Variants in TBC1D2B observed in about 807,000 individuals in gnomAD.
The protein encoded by TBC1D2B is TBC1 domain family member 2B.
A neutral mutation model predicts 100.8 loss-of-function variants in TBC1D2B; 64 were observed. That is an observed-to-expected ratio of 0.64 (90% CI 0.52 to 0.78). The LOEUF is 0.78. Ranked by LOEUF, TBC1D2B falls within the 30% of genes least tolerant of loss-of-function variation. The pLI is 0.00. For missense variants in TBC1D2B, 1,052 were observed against 1,218.4 expected, an observed-to-expected ratio of 0.86 and a Z score of 2.03; for synonymous variants, 480 against 479.7, an observed-to-expected ratio of 1.00 and a Z score of -0.01.
At chr15:78,052,425 A>T (rs2073332788) in intron 2 of TBC1D2B, among the ~76,000 whole-genome samples, 2 of 152,104 alleles carry the variant, frequency 1.3e-5, no homozygotes, top group African/African-American at 4.8e-5. Context: ...TTGAGTGCCG[A>T]CTTTGCTGAA....
chr15:78,046,000 C>T (rs1281676529), intron 2 of TBC1D2B, among the ~76,000 whole-genome samples: 3 of 152,034 alleles, frequency 2.0e-5, no homozygotes, highest in Admixed American at 6.6e-5. Flanking sequence ...GGCGCGGTCT[C>T]GGCTCACTGC....
At chr15:78,074,135 T>C (rs1334846742) in intron 1 of TBC1D2B, among the ~76,000 whole-genome samples, 2 of 151,622 alleles carry the variant, frequency 1.3e-5, no homozygotes, top group African/African-American at 2.4e-5. Flanking sequence ...GCAATTCTCC[T>C]GCCTCAGCCT....
chr15:78,031,554 C>CAAAAAAAAAAAAAAAAAA, intron 3 of TBC1D2B, among the ~76,000 whole-genome samples: 1 of 54,910 alleles, frequency 1.8e-5, no homozygotes, highest in Non-Finnish European at 3.1e-5. Context: ...ACTCTGTCTC[C>CAAAAAAAAAAAAAAAAAA]AAAAAAAAAA....
In TBC1D2B at chr15:77,998,240, T is replaced by C; in HGVS notation, c.2812A>G (p.Ile938Val). 10 of 1,591,492 alleles carry C rather than the reference T, an allele frequency of 6.3e-6. No homozygotes were observed. The highest frequency in any genetic ancestry group is 8.5e-6 in the Non-Finnish European group (10 of 1,170,002). Residue 938 changes from isoleucine (I) to valine (V), a missense_variant, in exon 13 of 13, where the codon ATC (isoleucine) becomes GTC (valine). Physicochemically the swap from Ile to Val is conservative, Grantham distance 29 (BLOSUM62 3). Coordinates refer to ENST00000300584, the MANE Select transcript of TBC1D2B (RefSeq NM_144572.2). ...VRLELTELEA[I>V]REDFLRERDT... ...CGCTCACGCAGGAAGTCCTCACGGA[T>C]GGCCTCCAGCTCGGTCAGCTCCAGC...
intron 3 of TBC1D2B, among the ~76,000 whole-genome samples, chr15:78,035,436 G>A (rs1198473577): frequency 6.6e-6 from 1 of 152,186 alleles, no homozygotes; most frequent in Non-Finnish European, 1.5e-5. Flanking sequence ...CAGGTTTCAG[G>A]CAAAACCACA....
chr15:78,005,668 C>T (rs191336039), intron 10 of TBC1D2B, among the ~76,000 whole-genome samples: 241 of 152,260 alleles, frequency 1.6e-3, no homozygotes, highest in African/African-American at 5.2e-3. Context: ...AATTTGGATA[C>T]CTATGTGAAC....
intron 1 of TBC1D2B, chr15:78,066,137 C>A: frequency 2.2e-6 from 1 of 462,474 alleles, no homozygotes; most frequent in South Asian, 1.6e-5. Flanking sequence ...AGGAAGGAAC[C>A]CTAGCACGTA....
chr15:77,998,177 C>G lies in TBC1D2B; in HGVS notation c.2875G>C (p.Glu959Gln). Residue 959 changes from glutamate to glutamine, a missense_variant, in exon 13 of 13, where the codon GAG becomes CAG. Physicochemically the swap from Glu to Gln is conservative, Grantham distance 29. Transcript: ENST00000300584. ...GAGCCCACTCAGGTATCCTCCTCCTCGTCACTGACCAGCTCACCCTTGTCA... is the reference window on the plus strand; with the variant it reads ...GAGCCCACTCAGGTATCCTCCTCCTGGTCACTGACCAGCTCACCCTTGTCA... The part of the protein sequence containing the change: ...SPDKGELVSD[E>Q]EEDT The G allele has an allele frequency of 6.5e-7, 1 of 1,543,482 alleles. No homozygotes were observed. The highest frequency in any genetic ancestry group is 8.8e-7 in the Non-Finnish European group (1 of 1,142,180).
intron 3 of TBC1D2B, among the ~76,000 whole-genome samples, chr15:78,038,557 A>C (rs188511564): frequency 1.6e-3 from 251 of 152,334 alleles, no homozygotes; most frequent in Non-Finnish European, 3.1e-3. Context: ...AGCCTAAGGC[A>C]ATGAGAAGCC....
At chr15:78,058,208 A>C (rs573302853) in intron 1 of TBC1D2B, among the ~76,000 whole-genome samples, 1 of 152,342 alleles carries the variant, frequency 6.6e-6, no homozygotes, top group South Asian at 2.1e-4. Flanking sequence ...GTGCTGGTCT[A>C]CACTACAATG....
intron 6 of TBC1D2B, among the ~76,000 whole-genome samples, chr15:78,021,643 T>G (rs931785973): frequency 5.9e-5 from 9 of 152,350 alleles, no homozygotes; most frequent in African/African-American, 2.2e-4. Flanking sequence ...TCACCTGGAA[T>G]CCACCTAACA....
chr15:78,017,906 A>G lies in TBC1D2B; in HGVS notation c.1522T>C (p.Leu508=). Residue 508 remains leucine, a synonymous_variant, in exon 7 of 13, where the codon TTG becomes CTG. Coordinates refer to ENST00000300584, the MANE Select transcript of TBC1D2B (RefSeq NM_144572.2). ...TTTCTTCGTAGAGCTGAGAGTTCCAAAATCTCCTTATTTAGAAATTTGTTT... is the reference window on the plus strand; with the variant it reads ...TTTCTTCGTAGAGCTGAGAGTTCCAGAATCTCCTTATTTAGAAATTTGTTT... ...TQNKFLNKEI[L]ELSALRRNAE... The G allele has an allele frequency of 3.7e-6, 6 of 1,611,724 alleles. No homozygotes were observed. The highest frequency in any genetic ancestry group is 5.1e-6 in the Non-Finnish European group (6 of 1,178,888).
At chr15:78,049,145 T>C (rs911581865) in intron 2 of TBC1D2B, among the ~76,000 whole-genome samples, 4 of 152,108 alleles carry the variant, frequency 2.6e-5, no homozygotes, top group Non-Finnish European at 4.4e-5. Flanking sequence ...GGACATAGCA[T>C]ACATCTAAGT....
intron 1 of TBC1D2B, among the ~76,000 whole-genome samples, chr15:78,061,075 G>C (rs914364128): frequency 2.8e-5 from 4 of 143,048 alleles, no homozygotes; most frequent in Non-Finnish European, 6.1e-5. Flanking sequence ...GTAAAACCTC[G>C]TCTCTATTAG....
chr15:78,070,622 A>T (rs542115436), intron 1 of TBC1D2B, among the ~76,000 whole-genome samples: 1 of 152,296 alleles, frequency 6.6e-6, no homozygotes, highest in Non-Finnish European at 1.5e-5. Context: ...ATTTCTGTAC[A>T]ATCTACAAGG....
intron 8 of TBC1D2B, among the ~76,000 whole-genome samples, chr15:78,014,503 C>G (rs975425589): frequency 2.0e-5 from 3 of 152,160 alleles, no homozygotes; most frequent in South Asian, 2.1e-4. Context: ...CCTTGCATCA[C>G]TGTAACAAGG....
intron 12 of TBC1D2B, 52 bp downstream of exon 12, chr15:78,001,567 A>G: frequency 6.4e-7 from 1 of 1,558,312 alleles, no homozygotes; most frequent in Non-Finnish European, 8.7e-7. Flanking sequence ...TCAAGGAGGC[A>G]GGGGTCAGGC....
intron 10 of TBC1D2B, among the ~76,000 whole-genome samples, chr15:78,007,772 G>A (rs967706003): frequency 6.6e-6 from 1 of 152,246 alleles, no homozygotes; most frequent in Non-Finnish European, 1.5e-5. Context: ...GAGCAATGAA[G>A]GGAGCCGGTG....
At chr15:78,067,441 G>T (rs776092596) in intron 1 of TBC1D2B, among the ~76,000 whole-genome samples, 1 of 152,210 alleles carries the variant, frequency 6.6e-6, no homozygotes, top group Non-Finnish European at 1.5e-5. Flanking sequence ...TAGAAAGCTG[G>T]CCACCTTCTC....
Sources: gnomAD v4.1 joint callset for allele counts (sites outside exome capture counted in the v4.1 genomes callset) on GRCh38, gnomAD v4.1.1 for gene constraint, MANE v1.5 for transcripts, NCBI Gene and HGNC (gene_info 2026-07-23, HGNC 2026-07-21) for gene names.